CA10: variants seen among roughly 807,000 people sequenced by gnomAD.
CA10 encodes the protein carbonic anhydrase-related protein 10.
CA10 carries 14 observed loss-of-function variants against 44.2 expected under a neutral mutation model. That is an observed-to-expected ratio of 0.32 (90% CI 0.21 to 0.50). The LOEUF (loss-of-function observed/expected upper bound fraction) is 0.50. Among genes scored for constraint, CA10 ranks in the 20% least tolerant of loss-of-function variants. CA10 has a pLI of 0.99. For synonymous variants in CA10, 159 were observed against 141.6 expected (o/e 1.12, Z -0.87); for missense variants, 350 against 409.7 (o/e 0.85, Z 1.26).
chr17:51,785,519 CAA>C (rs1171818041), intron 3 of CA10, among the ~76,000 whole-genome samples: 1 of 152,104 alleles, frequency 6.6e-6, no homozygotes, highest in African/African-American at 2.4e-5. Context: ...CAGGCAATAA[CAA>C]ACGCCAGTGA....
At chr17:51,647,037 G>C (rs968553655) in intron 6 of CA10, among the ~76,000 whole-genome samples, 1 of 152,064 alleles carries the variant, frequency 6.6e-6, no homozygotes, top group African/African-American at 2.4e-5. Context: ...TGGGCCCTGA[G>C]AGGTGTAGAG....
intron 1 of CA10, among the ~76,000 whole-genome samples, chr17:52,104,164 G>A (rs1438179409): frequency 2.6e-5 from 4 of 151,706 alleles, no homozygotes; most frequent in Non-Finnish European, 5.9e-5. Flanking sequence ...AAAGGAGGGT[G>A]GGGTCCCTCA....
At chr17:52,039,010 A>G (rs1986695608) in intron 2 of CA10, among the ~76,000 whole-genome samples, 1 of 152,174 alleles carries the variant, frequency 6.6e-6, no homozygotes, top group Non-Finnish European at 1.5e-5. Context: ...AAGTGAGAGA[A>G]CGGAATTAAA....
At chr17:51,671,639 C>T (rs966255257) in intron 4 of CA10, among the ~76,000 whole-genome samples, 8 of 152,058 alleles carry the variant, frequency 5.3e-5, no homozygotes, top group African/African-American at 1.9e-4. Flanking sequence ...CTCCTGACTT[C>T]ATGATCCGCC....
At chr17:51,807,487 T>C (rs1219487349) in intron 3 of CA10, among the ~76,000 whole-genome samples, 1 of 152,228 alleles carries the variant, frequency 6.6e-6, no homozygotes, top group African/African-American at 2.4e-5. Flanking sequence ...CCTCTAGCTC[T>C]TAGATCTGTT....
At chr17:51,665,158 G>A (rs537081692) in intron 4 of CA10, among the ~76,000 whole-genome samples, 4 of 152,240 alleles carry the variant, frequency 2.6e-5, no homozygotes, top group African/African-American at 7.2e-5. Flanking sequence ...GCTGCGCAGC[G>A]ATTTGGATAA....
At chr17:51,856,009 A>G (rs1374653614) in intron 3 of CA10, among the ~76,000 whole-genome samples, 1 of 152,138 alleles carries the variant, frequency 6.6e-6, no homozygotes, top group Non-Finnish European at 1.5e-5. Context: ...GCAAACAGTA[A>G]GGCTCTTTCA....
At chr17:51,978,881 G>A (rs203056) in intron 2 of CA10, among the ~76,000 whole-genome samples, 146,329 of 152,110 alleles carry the variant, frequency 0.96, 70,594 homozygotes, top group East Asian at 1. Context: ...TGACTTCACC[G>A]TTTTACCCCT....
At chr17:52,089,578 G>A (rs1200286477) in intron 1 of CA10, among the ~76,000 whole-genome samples, 2 of 151,808 alleles carry the variant, frequency 1.3e-5, no homozygotes, top group African/African-American at 4.8e-5. Flanking sequence ...GTCTCAGATA[G>A]CTGGTGACTA....
chr17:52,020,113 CT>C (rs999870349), intron 2 of CA10, among the ~76,000 whole-genome samples: 3 of 151,874 alleles, frequency 2.0e-5, no homozygotes, highest in Non-Finnish European at 2.9e-5. Flanking sequence ...ACTGTTATAT[CT>C]TTTTAGTGGA....
intron 2 of CA10, among the ~76,000 whole-genome samples, chr17:51,960,391 G>A (rs916341662): frequency 6.6e-6 from 1 of 151,878 alleles, no homozygotes; most frequent in Non-Finnish European, 1.5e-5. Context: ...TAAATTTACA[G>A]ATTTGGGAGG....
intron 4 of CA10, among the ~76,000 whole-genome samples, chr17:51,746,576 C>T (rs913371663): frequency 2.0e-5 from 3 of 152,224 alleles, no homozygotes; most frequent in African/African-American, 7.2e-5. Flanking sequence ...GGCCTTTGTA[C>T]ATCCCCATTA....
chr17:52,023,958 A>T (rs1393124652), intron 2 of CA10, among the ~76,000 whole-genome samples: 1 of 151,444 alleles, frequency 6.6e-6, no homozygotes, highest in Non-Finnish European at 1.5e-5. Context: ...GTTTTATTTT[A>T]TTTTATTCTT....
At chr17:51,837,079 AACACACACACAC>A (rs5820881) in intron 3 of CA10, among the ~76,000 whole-genome samples, 17 of 149,858 alleles carry the variant, frequency 1.1e-4, no homozygotes, top group Non-Finnish European at 1.5e-5. Flanking sequence ...GAGTTCAGAC[AACACACACACAC>A]ACACACACAC....
chr17:51,729,340 T>A lies in CA10; in HGVS notation c.465+18293A>T, dbSNP rs553229083. On this transcript the variant is annotated intron_variant, in intron 4 of 8. Coordinates refer to ENST00000451037, the MANE Select transcript of CA10 (RefSeq NM_020178.5). ...ATCTTTTCAGATGCTTAAACTTTTTTGTGTGTGTGTGTGTATCACCACACA... is the reference window on the plus strand; with the variant it reads ...ATCTTTTCAGATGCTTAAACTTTTTAGTGTGTGTGTGTGTATCACCACACA... 1.2e-3 allele frequency among the ~76,000 whole-genome samples: 188 copies of A among 151,922 alleles called. 5 individuals are homozygous for A. The East Asian group carries it at 0.036, about 29-fold the overall frequency.
chr17:52,091,743 G>A (rs1988272264), intron 1 of CA10, among the ~76,000 whole-genome samples: 1 of 152,102 alleles, frequency 6.6e-6, no homozygotes, highest in Admixed American at 6.5e-5. Flanking sequence ...GGGGGACCTT[G>A]CTGTATACAC....
chr17:51,837,079 A>AACACACACACACACAC (rs5820881), intron 3 of CA10, among the ~76,000 whole-genome samples: 4 of 149,858 alleles, frequency 2.7e-5, no homozygotes, highest in South Asian at 2.1e-4. Context: ...GAGTTCAGAC[A>AACACACACACACACAC]ACACACACAC....
At chr17:51,731,444 G>A (rs1401763397) in intron 4 of CA10, among the ~76,000 whole-genome samples, 2 of 152,046 alleles carry the variant, frequency 1.3e-5, no homozygotes, top group African/African-American at 4.8e-5. Flanking sequence ...AATTCTTTTT[G>A]CTCTGAGTTC....
At chr17:52,106,323 G>A (rs1447414336) in intron 1 of CA10, among the ~76,000 whole-genome samples, 1 of 152,176 alleles carries the variant, frequency 6.6e-6, no homozygotes, top group Non-Finnish European at 1.5e-5. Context: ...GATTTATGCT[G>A]GAAGTGGAGT....
Sources: gnomAD v4.1 joint callset for allele counts (sites outside exome capture counted in the v4.1 genomes callset) on GRCh38, gnomAD v4.1.1 for gene constraint, MANE v1.5 for transcripts, NCBI Gene and HGNC (gene_info 2026-07-23, HGNC 2026-07-21) for gene names.